Variants in ZSCAN2 observed in about 807,000 individuals in gnomAD.
The protein encoded by ZSCAN2 is zinc finger and SCAN domain containing 2.
In ZSCAN2, 26 loss-of-function variants were observed where a neutral mutation model predicts 47.8. The ratio of observed to expected loss-of-function variants is 0.54; its 90% CI spans 0.40 to 0.75. ZSCAN2 has a LOEUF of 0.75. Among genes scored for constraint, ZSCAN2 ranks in the 30% least tolerant of loss-of-function variants. ZSCAN2 has a pLI of 0.00. For missense variants in ZSCAN2, 732 were observed against 785.4 expected, an observed-to-expected ratio of 0.93 and a Z score of 0.81; for synonymous variants, 305 against 288.7, an observed-to-expected ratio of 1.06 and a Z score of -0.57.
At chr15:84,609,447 C>G (rs1220810615) in intron 2 of ZSCAN2, among the ~76,000 whole-genome samples, 1 of 151,928 alleles carries the variant, frequency 6.6e-6, no homozygotes, top group Non-Finnish European at 1.5e-5. Context: ...TTCAGCCACC[C>G]AAAGCACTGC....
chr15:84,613,795 C>T lies in ZSCAN2; in HGVS notation c.407-6807C>T, dbSNP rs548401608. Among the ~76,000 whole-genome samples, 38 of 151,652 alleles carry T rather than the reference C, an allele frequency of 2.5e-4. No homozygotes were observed. In the South Asian group the frequency reaches 6.2e-3, roughly 25 times the overall value. ...GTTCAACGATTCAACGATTCTCCTGCCTTAGCCTCCCAACTAGCTGGGATT... is the reference window on the plus strand; with the variant it reads ...GTTCAACGATTCAACGATTCTCCTGTCTTAGCCTCCCAACTAGCTGGGATT... On this transcript the variant is annotated intron_variant, in intron 2 of 2. Coordinates refer to ENST00000546148, the MANE Select transcript of ZSCAN2 (RefSeq NM_181877.4).
intron 2 of ZSCAN2, among the ~76,000 whole-genome samples, 198 bp downstream of exon 2, chr15:84,604,531 C>T (rs1160138057): frequency 6.6e-6 from 1 of 152,080 alleles, no homozygotes; most frequent in Non-Finnish European, 1.5e-5. Context: ...TCCAGAAGTG[C>T]TAGGAGGGCC....
In ZSCAN2 at chr15:84,620,628, G is replaced by T; in HGVS notation, c.433G>T (p.Glu145Ter). ...SDFEIQSENG[E>*]NCNQDMFENE... The stretch of plus-strand genomic sequence containing the variant: ...TTTTGAGATACAGAGTGAAAATGGG[G>T]AGAACTGTAATCAAGACATGTTTGA... Residue 145 changes from glutamate (E) to a stop codon, truncating the protein, a stop_gained, in exon 3 of 3, where the codon GAG becomes TAG. Transcript: ENST00000546148. LOFTEE classifies it high-confidence loss of function. 6.2e-7 allele frequency: 1 copy of T among 1,607,470 alleles called. No homozygotes were observed. The highest frequency in any genetic ancestry group is 8.5e-7 in the Non-Finnish European group (1 of 1,174,274).
intron 1 of ZSCAN2, among the ~76,000 whole-genome samples, chr15:84,602,698 C>T (rs886992443): frequency 8.0e-5 from 12 of 150,852 alleles, no homozygotes; most frequent in African/African-American, 2.2e-4. Flanking sequence ...GGGCAATTCT[C>T]CTGCCTCAGC....
rs1225543043 is a variant in ZSCAN2 at position 84,620,765 on chromosome 15, C to T, written c.570C>T (p.His190=). Residue 190 remains histidine (H), a synonymous_variant, in exon 3 of 3, where the codon CAC becomes CAT. Transcript: ENST00000546148. ...RDAGIQRLQG[H]SPGEDHGEVV... ...CTGGCATCCAGAGGCTCCAGGGACA[C>T]AGCCCAGGTGAGGACCACGGGGAGG... 1 of 1,614,238 alleles carries T rather than the reference C, an allele frequency of 6.2e-7. No individual in the cohort carries two copies. The highest frequency in any genetic ancestry group is 1.1e-5 in the South Asian group (1 of 91,086).
At position 84,620,602 on chromosome 15, in the gene ZSCAN2, A is replaced by C; in HGVS notation, c.407A>C (p.Asp136Ala). Residue 136 changes from aspartate (D) to alanine (A), a missense_variant and splice_region_variant, in exon 3 of 3, where the codon GAT becomes GCT. Asp to Ala is a moderately radical substitution (Grantham distance 126, BLOSUM62 -2). Coordinates refer to ENST00000546148, the MANE Select transcript of ZSCAN2 (RefSeq NM_181877.4). ...TGTATGTTTTTCTTCATTGTTTCAG[A>C]TTTTGAGATACAGAGTGAAAATGGG... ...EDLTQTLQDSDFEIQSENGEN... is the reference protein window; with the variant it reads ...EDLTQTLQDSAFEIQSENGEN... 1 of 1,594,148 alleles carries C rather than the reference A, an allele frequency of 6.3e-7. No homozygotes were observed. The highest frequency in any genetic ancestry group is 8.6e-7 in the Non-Finnish European group (1 of 1,164,282).
Position 84,606,347 on chromosome 15 carries a change from G to A in ZSCAN2, c.406+2014G>A, listed in dbSNP as rs527641855. The A allele has an allele frequency of 3.9e-5, 23 of 596,034 alleles. No homozygotes were observed. The African/African-American group carries it at 4.0e-4, about 10-fold the overall frequency. The allele number at this position is 596,034 out of a possible 1,614,324, so 36.9% of individuals were successfully genotyped here. Reference sequence around the variant, plus strand: ...GTCATTTCACAGATAGGAAATATAAGTGCAGGAAACTCACATGGCTGTTGA... The same window carrying A: ...GTCATTTCACAGATAGGAAATATAAATGCAGGAAACTCACATGGCTGTTGA... On this transcript the variant is annotated intron_variant, in intron 2 of 2. Transcript: ENST00000546148.
intron 2 of ZSCAN2, among the ~76,000 whole-genome samples, chr15:84,606,023 T>C (rs1895370434): frequency 6.6e-6 from 1 of 152,102 alleles, no homozygotes; most frequent in Admixed American, 6.5e-5. Flanking sequence ...TTTTTAAGCG[T>C]TGTCATATGT....
intron 2 of ZSCAN2, chr15:84,606,878 C>A: frequency 1.7e-6 from 2 of 1,143,376 alleles, no homozygotes; most frequent in Non-Finnish European, 2.2e-6. Context: ...CCCCGACCTT[C>A]CTCATGATTG....
chr15:84,606,801 A>G (rs371007417), intron 2 of ZSCAN2: 1 of 1,306,826 alleles, frequency 7.7e-7, no homozygotes. Context: ...CATCCCAGAC[A>G]CATGGGTTTG....
intron 2 of ZSCAN2, among the ~76,000 whole-genome samples, chr15:84,618,028 A>G (rs549455607): frequency 9.3e-4 from 141 of 152,366 alleles, no homozygotes; most frequent in African/African-American, 3.2e-3. Flanking sequence ...GGCATGTCCA[A>G]TTTTATCATG....
rs1895830434 is a variant in ZSCAN2 at position 84,622,064 on chromosome 15, G to A, written c.*24G>A. The stretch of plus-strand genomic sequence containing the variant: ...GAAGTGGCAAAGAGTGAAAGTGAGG[G>A]ACTGGCCTGGAGTGGGAGTTGCCAC... On this transcript the variant is annotated 3_prime_UTR_variant, in exon 3 of 3. Transcript: ENST00000546148. 1 of 1,566,550 alleles carries A rather than the reference G, an allele frequency of 6.4e-7. No individual in the cohort carries two copies. The highest frequency in any genetic ancestry group is 8.7e-7 in the Non-Finnish European group (1 of 1,153,188).
chr15:84,612,852 G>A (rs936478384), intron 2 of ZSCAN2, among the ~76,000 whole-genome samples: 4 of 152,222 alleles, frequency 2.6e-5, no homozygotes, highest in African/African-American at 7.2e-5. Flanking sequence ...GGAGTTCAAA[G>A]ACTTGACATT....
intron 2 of ZSCAN2, chr15:84,606,890 T>C: frequency 1.8e-6 from 2 of 1,121,034 alleles, no homozygotes; most frequent in Non-Finnish European, 2.2e-6. Context: ...TCATGATTGC[T>C]CACAGGAGTC....
At position 84,621,275 on chromosome 15, in the gene ZSCAN2, G is replaced by C. The variant is rs769688900; in HGVS notation, c.1080G>C (p.Lys360Asn). ...NTHQGIHTGE[K>N]PYECKECGES... ...ATCAGGGGATCCACACTGGAGAAAAGCCCTACGAATGTAAAGAATGCGGCG... is the reference window on the plus strand; with the variant it reads ...ATCAGGGGATCCACACTGGAGAAAACCCCTACGAATGTAAAGAATGCGGCG... Residue 360 changes from lysine (K) to asparagine (N), a missense_variant, in exon 3 of 3, where the codon AAG (lysine) becomes AAC (asparagine). By Grantham distance (94) the Lys-to-Asn change is moderately conservative (BLOSUM62 0). This residue lies in a region of ZSCAN2 where 412 missense variants were observed against 498.0 expected (regional missense o/e 0.83). Transcript: ENST00000546148. The surrounding 1 kb of genome is among the most constrained non-coding windows in gnomAD (Gnocchi z 5.7). 2 of 1,613,828 alleles carry C rather than the reference G, an allele frequency of 1.2e-6. No individual in the cohort carries two copies. Among genetic ancestry groups the C allele is most frequent in the Non-Finnish European group, 1.7e-6 (2 of 1,179,956 alleles).
At position 84,604,146 on chromosome 15, in the gene ZSCAN2, A is replaced by G; in HGVS notation, c.219A>G (p.Pro73=). The G allele has an allele frequency of 6.2e-7, 1 of 1,613,764 alleles. No individual in the cohort carries two copies. Among genetic ancestry groups the G allele is most frequent in the African/African-American group, 1.3e-5 (1 of 75,046 alleles). ...CCCAGGAGGAGGTGACCAGGGGACC[A>G]CAGGGTGCACTCGGCCGCCTCCGAG... ...GGPQEEVTRG[P]QGALGRLREL... is the part of the protein sequence containing the mutation. The change falls in exon 2 of 3, where the codon CCA becomes CCG. Residue 73 remains proline, a synonymous_variant. Coordinates refer to ENST00000546148, the MANE Select transcript of ZSCAN2 (RefSeq NM_181877.4).
At chr15:84,605,226 G>A (rs527360483) in intron 2 of ZSCAN2, among the ~76,000 whole-genome samples, 2 of 152,146 alleles carry the variant, frequency 1.3e-5, no homozygotes, top group African/African-American at 2.4e-5. Context: ...CCGTTTAACC[G>A]CTGTCTCCCT....
chr15:84,615,932 C>G (rs184599694), intron 2 of ZSCAN2, among the ~76,000 whole-genome samples: 2 of 152,200 alleles, frequency 1.3e-5, no homozygotes, highest in Admixed American at 6.5e-5. Flanking sequence ...TGGAAATGAT[C>G]ACTTTTCTCA....
chr15:84,610,296 G>C (rs1349962733), intron 2 of ZSCAN2, among the ~76,000 whole-genome samples: 2 of 152,178 alleles, frequency 1.3e-5, no homozygotes, highest in Non-Finnish European at 2.9e-5. Context: ...TTACAGATCT[G>C]TAATAGACAG....
Sources: gnomAD v4.1 joint callset for allele counts (sites outside exome capture counted in the v4.1 genomes callset) on GRCh38, gnomAD v4.1.1 for gene constraint, gnomAD v4.1.1 regional missense constraint, Gnocchi (gnomAD v3.1) non-coding constraint, MANE v1.5 for transcripts, NCBI Gene and HGNC (gene_info 2026-07-23, HGNC 2026-07-21) for gene names.